Variants in DSCAM observed in about 807,000 individuals in gnomAD.
DSCAM encodes the protein DS cell adhesion molecule, also known as cell adhesion molecule DSCAM.
DSCAM carries 47 observed loss-of-function variants against 217.7 expected under a neutral mutation model. The observed-to-expected ratio is 0.22, with a 90% CI of 0.17 to 0.28. The LOEUF (loss-of-function observed/expected upper bound fraction) is 0.28, where lower values mean the gene tolerates loss of function less well. DSCAM is among the 10% of genes least tolerant of loss of function. DSCAM has a pLI of 1.00. For synonymous variants in DSCAM, 1,056 were observed against 1,015.3 expected (o/e 1.04, Z -0.76); for missense variants, 2,080 against 2,618.3 (o/e 0.79, Z 4.49).
intron 9 of DSCAM, among the ~76,000 whole-genome samples, chr21:40,306,375 A>G (rs2123476152): frequency 6.6e-6 from 1 of 151,478 alleles, no homozygotes; most frequent in Non-Finnish European, 1.5e-5. Flanking sequence ...ATATACAATC[A>G]TGTCATCTGC....
chr21:40,577,274 G>A (rs17000029), intron 3 of DSCAM, among the ~76,000 whole-genome samples: 5,734 of 150,682 alleles, frequency 0.038, 312 homozygotes, highest in African/African-American at 0.12. Context: ...TTTATTAGCC[G>A]GCGACCAGGC....
At chr21:40,722,808 G>A (rs1204408557) in intron 1 of DSCAM, among the ~76,000 whole-genome samples, 2 of 151,802 alleles carry the variant, frequency 1.3e-5, no homozygotes, top group Non-Finnish European at 2.9e-5. Context: ...GAAACTGATA[G>A]ACCAAAAGTA....
intron 3 of DSCAM, among the ~76,000 whole-genome samples, chr21:40,562,458 T>G (rs2076728112): frequency 6.6e-6 from 1 of 152,166 alleles, no homozygotes; most frequent in African/African-American, 2.4e-5. Context: ...AGGCCGTTCT[T>G]CATAGCAATG....
chr21:40,838,370 C>CT (rs1157573333), intron 1 of DSCAM, among the ~76,000 whole-genome samples: 2 of 152,218 alleles, frequency 1.3e-5, no homozygotes, highest in Non-Finnish European at 2.9e-5. Flanking sequence ...AACAGCCCCC[C>CT]TCAGCCCCTG....
chr21:40,463,294 T>C (rs2075820030), intron 3 of DSCAM, among the ~76,000 whole-genome samples: 1 of 152,112 alleles, frequency 6.6e-6, no homozygotes, highest in South Asian at 2.1e-4. Context: ...AAATCACATG[T>C]GGTGAGCTGG....
intron 16 of DSCAM, among the ~76,000 whole-genome samples, chr21:40,165,386 G>A (rs931453105): frequency 6.6e-6 from 1 of 152,196 alleles, no homozygotes; most frequent in South Asian, 2.1e-4. Flanking sequence ...AACCTCATTA[G>A]TCAGTTAGAT....
intron 15 of DSCAM, among the ~76,000 whole-genome samples, chr21:40,169,223 G>C (rs987551950): frequency 6.6e-6 from 1 of 152,140 alleles, no homozygotes; most frequent in East Asian, 1.9e-4. Flanking sequence ...GGGAAGCCAG[G>C]TGAGGGCAGA....
At chr21:40,292,597 A>T (rs2123435836) in intron 10 of DSCAM, among the ~76,000 whole-genome samples, 1 of 152,286 alleles carries the variant, frequency 6.6e-6, no homozygotes, top group East Asian at 1.9e-4. Context: ...AAATGCTGGC[A>T]AATTGTCAAT....
At chr21:40,564,982 G>C (rs966408851) in intron 3 of DSCAM, among the ~76,000 whole-genome samples, 15 of 152,140 alleles carry the variant, frequency 9.9e-5, no homozygotes, top group African/African-American at 3.4e-4. Flanking sequence ...GAGGTGGAGG[G>C]GAGGATACTG....
At chr21:40,696,358 A>G (rs2090595111) in intron 2 of DSCAM, among the ~76,000 whole-genome samples, 1 of 152,166 alleles carries the variant, frequency 6.6e-6, no homozygotes, top group African/African-American at 2.4e-5. Flanking sequence ...ATCCCCTGAG[A>G]GGCAGGGAAA....
chr21:40,020,984 C>T (rs1031578889), intron 32 of DSCAM, among the ~76,000 whole-genome samples: 1 of 151,862 alleles, frequency 6.6e-6, no homozygotes, highest in Non-Finnish European at 1.5e-5. Context: ...CAGAGAAGGG[C>T]TCTGGGAAAC....
chr21:40,745,882 T>G (rs1289190387), intron 1 of DSCAM, among the ~76,000 whole-genome samples: 2 of 152,016 alleles, frequency 1.3e-5, no homozygotes, highest in East Asian at 1.9e-4. Flanking sequence ...AGATGTAAAT[T>G]GAAACATCAA....
chr21:40,404,167 C>T (rs2075262098), intron 3 of DSCAM, among the ~76,000 whole-genome samples: 1 of 152,148 alleles, frequency 6.6e-6, no homozygotes, highest in Admixed American at 6.5e-5. Flanking sequence ...CTGCATTTAA[C>T]AATTGCCTCA....
At chr21:40,808,416 G>T (rs1242101070) in intron 1 of DSCAM, among the ~76,000 whole-genome samples, 1 of 151,908 alleles carries the variant, frequency 6.6e-6, no homozygotes, top group Non-Finnish European at 1.5e-5. Flanking sequence ...GGCAGGAGAT[G>T]AGGAGAGAGA....
At chr21:40,142,909 A>C (rs900217512) in intron 17 of DSCAM, among the ~76,000 whole-genome samples, 1 of 152,228 alleles carries the variant, frequency 6.6e-6, no homozygotes, top group Non-Finnish European at 1.5e-5. Context: ...GAGTCAATGC[A>C]TATATTCTAA....
intron 3 of DSCAM, among the ~76,000 whole-genome samples, chr21:40,574,687 G>C (rs1343517921): frequency 6.7e-6 from 1 of 150,160 alleles, no homozygotes; most frequent in Non-Finnish European, 1.5e-5. Flanking sequence ...TCAAAAAAGA[G>C]AATCACATAA....
intron 32 of DSCAM, among the ~76,000 whole-genome samples, chr21:40,017,799 G>A (rs1308335442): frequency 1.3e-5 from 2 of 152,148 alleles, no homozygotes; most frequent in Non-Finnish European, 2.9e-5. Context: ...TGATCCACCC[G>A]CCTCAGCCTC....
intron 1 of DSCAM, among the ~76,000 whole-genome samples, chr21:40,713,055 C>G (rs2090800029): frequency 6.6e-6 from 1 of 152,212 alleles, no homozygotes; most frequent in Non-Finnish European, 1.5e-5. Context: ...TATTGTCAAT[C>G]TGTGCGTCTC....
chr21:40,224,374 T>C (rs1357818401), intron 11 of DSCAM, among the ~76,000 whole-genome samples: 2 of 152,250 alleles, frequency 1.3e-5, no homozygotes, highest in Non-Finnish European at 2.9e-5. Flanking sequence ...CTTAGTCAAT[T>C]GTTTAAGTGA....
Sources: allele counts gnomAD v4.1 joint callset (sites outside exome capture counted in the v4.1 genomes callset), GRCh38; gene constraint gnomAD v4.1.1; transcripts MANE v1.5; gene names NCBI Gene and HGNC (gene_info 2026-07-23, HGNC 2026-07-21).